WWTR1: variants seen among roughly 807,000 people sequenced by gnomAD.
The protein encoded by WWTR1 is WW domain containing transcription regulator 1.
Under a neutral mutation model 40.1 loss-of-function variants are expected in WWTR1, and 13 were observed. The observed-to-expected ratio is 0.32, with a 90% CI of 0.21 to 0.52. The LOEUF is 0.52. WWTR1 is among the 20% of genes least tolerant of loss of function. The probability of loss-of-function intolerance (pLI) is 0.97; values close to 1 mark genes in which losing one functional copy is unlikely to be tolerated. For synonymous variants in WWTR1, 230 were observed against 210.1 expected (o/e 1.09, Z -0.82); for missense variants, 436 against 523.1 (o/e 0.83, Z 1.63).
chr3:149,549,564 G>A (rs539106495), intron 3 of WWTR1, among the ~76,000 whole-genome samples: 7 of 152,308 alleles, frequency 4.6e-5, no homozygotes, highest in Admixed American at 1.3e-4. Flanking sequence ...GGGGCTGAGC[G>A]CCATGGCTCA....
chr3:149,629,060 A>T (rs927805214), intron 2 of WWTR1, among the ~76,000 whole-genome samples: 1 of 152,226 alleles, frequency 6.6e-6, no homozygotes, highest in Non-Finnish European at 1.5e-5. Flanking sequence ...GGCATCAGCC[A>T]CTGTGCCCAT....
chr3:149,542,239 C>T, intron 4 of WWTR1, 96 bp downstream of exon 4: 3 of 1,405,496 alleles, frequency 2.1e-6, no homozygotes, highest in Non-Finnish European at 2.9e-6. Flanking sequence ...GTCTCTTCTT[C>T]TCTAGAAGAA....
chr3:149,604,238 CA>C (rs1739386843), intron 2 of WWTR1, among the ~76,000 whole-genome samples: 1 of 152,122 alleles, frequency 6.6e-6, no homozygotes, highest in Non-Finnish European at 1.5e-5. Context: ...ATCACACTGC[CA>C]ACACTGCCAG....
At chr3:149,710,580 C>CCA (rs1655707144) in intron 5 of WWTR1, among the ~76,000 whole-genome samples, 8 of 84,454 alleles carry the variant, frequency 9.5e-5, no homozygotes, top group Admixed American at 4.7e-4. Context: ...TCCCCCCCCC[C>CCA]CCTTTTTTTT....
At chr3:149,541,925 T>C (rs1736121480) in intron 4 of WWTR1, among the ~76,000 whole-genome samples, 8 of 152,144 alleles carry the variant, frequency 5.3e-5, no homozygotes, top group Admixed American at 5.2e-4. Context: ...GTCAATGCCA[T>C]GTAGAGCAGA....
chr3:149,577,863 G>A lies in WWTR1; in HGVS notation c.432-4863C>T, dbSNP rs562012774. Among the ~76,000 whole-genome samples the A allele has an allele frequency of 3.3e-5, 5 of 152,152 alleles. No homozygotes were observed. The South Asian group carries it at 1.0e-3, about 32-fold the overall frequency. ...TGGCCTCCCCATCAGCCTGCGGAGG[G>A]GGTGTTAACTTTGCTCCAGTTTCCT... On this transcript the variant is annotated intron_variant, in intron 2 of 6. Coordinates refer to ENST00000360632, the MANE Select transcript of WWTR1 (RefSeq NM_015472.6).
chr3:149,679,068 T>G (rs1443448459), intron 1 of WWTR1, among the ~76,000 whole-genome samples: 1 of 152,208 alleles, frequency 6.6e-6, no homozygotes. Flanking sequence ...TGACCTCCGG[T>G]GATCTGCCCG....
chr3:149,521,486 T>G (rs1735043894), intron 6 of WWTR1, among the ~76,000 whole-genome samples: 1 of 152,226 alleles, frequency 6.6e-6, no homozygotes, highest in South Asian at 2.1e-4. Context: ...ACGTTTTCCC[T>G]CTTTCTGTAA....
chr3:149,684,620 A>T (rs999188112), intron 1 of WWTR1, among the ~76,000 whole-genome samples: 3 of 149,642 alleles, frequency 2.0e-5, no homozygotes, highest in Non-Finnish European at 4.4e-5. Context: ...CTGGAGTGCC[A>T]TGGGGCGATC....
intron 3 of WWTR1, among the ~76,000 whole-genome samples, chr3:149,544,059 C>A (rs911754915): frequency 6.6e-6 from 1 of 151,856 alleles, no homozygotes; most frequent in Non-Finnish European, 1.5e-5. Flanking sequence ...GAAGCCACCA[C>A]GCCTGGTGGC....
chr3:149,680,124 T>A (rs1052513388), intron 1 of WWTR1, among the ~76,000 whole-genome samples: 3 of 152,200 alleles, frequency 2.0e-5, no homozygotes, highest in African/African-American at 7.2e-5. Context: ...CTTTTGAGAA[T>A]GAAGGGGGCA....
chr3:149,629,413 C>T (rs1225849328), intron 2 of WWTR1, among the ~76,000 whole-genome samples: 1 of 152,176 alleles, frequency 6.6e-6, no homozygotes, highest in Admixed American at 6.5e-5. Context: ...TCAGTATTTC[C>T]TACGCTGGGG....
chr3:149,679,960 G>A (rs910997444), intron 1 of WWTR1, among the ~76,000 whole-genome samples: 3 of 152,136 alleles, frequency 2.0e-5, no homozygotes, highest in Non-Finnish European at 2.9e-5. Flanking sequence ...ACTGTATTCT[G>A]ACATCATGGT....
chr3:149,573,791 G>T (rs941811346), intron 2 of WWTR1, among the ~76,000 whole-genome samples: 3 of 152,140 alleles, frequency 2.0e-5, no homozygotes, highest in Non-Finnish European at 4.4e-5. Context: ...TGAAACATGA[G>T]CTTCTGCTCA....
At chr3:149,643,897 T>C (rs9836545) in intron 2 of WWTR1, among the ~76,000 whole-genome samples, 2,223 of 152,300 alleles carry the variant, frequency 0.015, 28 homozygotes, top group Middle Eastern at 0.058. Flanking sequence ...GATTTCCTCC[T>C]ACCTCTCTTT....
intron 2 of WWTR1, among the ~76,000 whole-genome samples, chr3:149,639,993 C>CAAAAAAAA (rs1215330406): frequency 3.9e-5 from 3 of 76,262 alleles, no homozygotes; most frequent in African/African-American, 1.4e-4. Flanking sequence ...GACTCCGTCT[C>CAAAAAAAA]AAAAAAAAAA....
At chr3:149,684,969 C>T (rs1200864276) in intron 1 of WWTR1, among the ~76,000 whole-genome samples, 1 of 152,128 alleles carries the variant, frequency 6.6e-6, no homozygotes, top group Admixed American at 6.6e-5. Context: ...CCTTGAGCTC[C>T]ACAAAATTAA....
At chr3:149,605,432 G>C (rs750318506) in intron 2 of WWTR1, among the ~76,000 whole-genome samples, 21 of 152,164 alleles carry the variant, frequency 1.4e-4, no homozygotes, top group Non-Finnish European at 2.1e-4. Context: ...GGGACTGAGA[G>C]AACTTGGAGG....
chr3:149,657,509 G>T, intron 1 of WWTR1, 200 bp from the exon 2 acceptor site: 1 of 618,136 alleles, frequency 1.6e-6, no homozygotes, highest in Non-Finnish European at 2.7e-6. Flanking sequence ...CTGGCCTCGA[G>T]AATTATGCAA....
Sources: allele counts gnomAD v4.1 joint callset (sites outside exome capture counted in the v4.1 genomes callset), GRCh38; gene constraint gnomAD v4.1.1; transcripts MANE v1.5; gene names NCBI Gene and HGNC (gene_info 2026-07-23, HGNC 2026-07-21).